THSD7B: variants seen among roughly 807,000 people sequenced by gnomAD.
THSD7B encodes the protein thrombospondin type 1 domain containing 7B, also known as thrombospondin type-1 domain-containing protein 7B.
In THSD7B, 138 loss-of-function variants were observed where a neutral mutation model predicts 213.6. That is an observed-to-expected ratio of 0.65 (90% CI 0.56 to 0.74). The LOEUF is 0.74. Ranked by LOEUF, THSD7B falls within the 30% of genes least tolerant of loss-of-function variation. THSD7B has a pLI of 0.00. For synonymous variants in THSD7B, 742 were observed against 687.0 expected (o/e 1.08, Z -1.25); for missense variants, 1,931 against 1,991.5 (o/e 0.97, Z 0.58).
At chr2:137,180,980 T>G (rs892594347) in intron 7 of THSD7B, among the ~76,000 whole-genome samples, 1 of 152,178 alleles carries the variant, frequency 6.6e-6, no homozygotes, top group Non-Finnish European at 1.5e-5. Context: ...CTTTCCTTAG[T>G]GTGAGCTAAG....
chr2:136,898,265 TAA>T (rs1329024505), intron 2 of THSD7B, among the ~76,000 whole-genome samples: 1 of 152,250 alleles, frequency 6.6e-6, no homozygotes, highest in Non-Finnish European at 1.5e-5. Context: ...CTTCTTTTGT[TAA>T]GTTTATTCAT....
rs1380608129 is a variant in THSD7B at position 137,448,832 on chromosome 2, AC to A, written c.2960-2012del. 3.6e-3 allele frequency among the ~76,000 whole-genome samples: 537 copies of A among 150,758 alleles called. 4 individuals carry two copies. Among genetic ancestry groups the A allele is most frequent in the African/African-American group, 0.012 (492 of 40,906 alleles). ...AACAACAACAACAACAACAACAACA[AC>A]AACAAAAACTACCCTTTCCTGGGTC... On this transcript the variant is annotated intron_variant, in intron 14 of 27. Coordinates refer to ENST00000409968, the MANE Select transcript of THSD7B (RefSeq NM_001316349.2).
intron 3 of THSD7B, among the ~76,000 whole-genome samples, chr2:137,069,324 T>C (rs546056205): frequency 2.0e-5 from 3 of 152,160 alleles, no homozygotes; most frequent in Non-Finnish European, 4.4e-5. Flanking sequence ...TTGTTTCACC[T>C]TGTTTCCTTT....
chr2:137,614,151 C>T (rs1037023247), intron 17 of THSD7B, among the ~76,000 whole-genome samples: 10 of 151,906 alleles, frequency 6.6e-5, no homozygotes, highest in East Asian at 1.9e-4. Flanking sequence ...TCTAATTATC[C>T]GAAACTATAT....
At chr2:137,223,468 A>G (rs1275929005) in intron 7 of THSD7B, among the ~76,000 whole-genome samples, 3 of 152,168 alleles carry the variant, frequency 2.0e-5, no homozygotes, top group Non-Finnish European at 4.4e-5. Flanking sequence ...TGAGTTAAAA[A>G]TGAAATATCG....
At chr2:137,127,435 T>C (rs538516814) in intron 5 of THSD7B, among the ~76,000 whole-genome samples, 113 of 152,226 alleles carry the variant, frequency 7.4e-4, no homozygotes, top group Non-Finnish European at 1.3e-3. Flanking sequence ...ATTTTGGAAA[T>C]TGTCAAATGT....
At chr2:136,948,875 T>C (rs1024829755) in intron 2 of THSD7B, among the ~76,000 whole-genome samples, 1 of 151,550 alleles carries the variant, frequency 6.6e-6, no homozygotes, top group Non-Finnish European at 1.5e-5. Flanking sequence ...CTGTAAAACA[T>C]TGGCTTTTTT....
At position 137,659,743 on chromosome 2, in the gene THSD7B, A is replaced by T. The variant is rs16839256; in HGVS notation, c.4455A>T (p.Thr1485=). The T allele has an allele frequency of 4.4e-6, 7 of 1,600,618 alleles. No individual in the cohort carries two copies. Among genetic ancestry groups the T allele is most frequent in the Non-Finnish European group, 6.0e-6 (7 of 1,173,220 alleles). ...PACRKPFSYC[T]QGGVCGCEKG... is the part of the protein sequence containing the mutation. ...GCAGAAAACCTTTCTCCTACTGTAC[A>T]CAGGTGAGTCATGTGCTGGAGTCTT... is the stretch of plus-strand genomic sequence containing the variant. The change falls in exon 25 of 28, where the codon ACA becomes ACT. Residue 1485 remains threonine (T), a synonymous_variant. Coordinates refer to ENST00000409968, the MANE Select transcript of THSD7B (RefSeq NM_001316349.2).
chr2:137,669,333 G>GTGAT (rs10651093), intron 27 of THSD7B, among the ~76,000 whole-genome samples: 8,650 of 152,124 alleles, frequency 0.057, 589 homozygotes, highest in African/African-American at 0.15. Flanking sequence ...GCCACCTACA[G>GTGAT]TGATAGAAAT....
At chr2:137,079,731 T>C (rs1012654765) in intron 3 of THSD7B, among the ~76,000 whole-genome samples, 1 of 152,250 alleles carries the variant, frequency 6.6e-6, no homozygotes, top group African/African-American at 2.4e-5. Context: ...ATGACAATTA[T>C]CTTTGGCCTC....
chr2:137,351,788 G>A (rs1385890303), intron 12 of THSD7B, among the ~76,000 whole-genome samples: 1 of 151,778 alleles, frequency 6.6e-6, no homozygotes, highest in Admixed American at 6.6e-5. Context: ...ATTTAAGGAT[G>A]GCCTTTTAAT....
At chr2:136,843,544 T>G (rs567079757) in intron 1 of THSD7B, among the ~76,000 whole-genome samples, 2 of 152,300 alleles carry the variant, frequency 1.3e-5, no homozygotes, top group Non-Finnish European at 2.9e-5. Flanking sequence ...GTCTTGTACT[T>G]TCTTAGGGGT....
chr2:137,593,026 G>A (rs1681895008), intron 17 of THSD7B, among the ~76,000 whole-genome samples: 1 of 151,808 alleles, frequency 6.6e-6, no homozygotes, highest in South Asian at 2.1e-4. Context: ...AGTTCTTTTG[G>A]GCTGTGTGAG....
intron 1 of THSD7B, among the ~76,000 whole-genome samples, chr2:136,862,577 G>T (rs1226940710): frequency 1.3e-5 from 2 of 152,152 alleles, no homozygotes; most frequent in Non-Finnish European, 2.9e-5. Flanking sequence ...AAAGAAATGT[G>T]TAAATGATTA....
At chr2:137,138,889 C>G (rs1166539764) in intron 5 of THSD7B, among the ~76,000 whole-genome samples, 1 of 152,068 alleles carries the variant, frequency 6.6e-6, no homozygotes, top group Non-Finnish European at 1.5e-5. Context: ...CTCAGCAAGT[C>G]TTGGTGTCAT....
intron 2 of THSD7B, among the ~76,000 whole-genome samples, chr2:136,993,552 A>G (rs1226031348): frequency 1.3e-5 from 2 of 152,356 alleles, no homozygotes; most frequent in South Asian, 2.1e-4. Context: ...ATGTAACCAT[A>G]TAGGGATGCA....
intron 2 of THSD7B, among the ~76,000 whole-genome samples, chr2:136,949,685 A>T (rs970748869): frequency 6.6e-6 from 1 of 152,220 alleles, no homozygotes; most frequent in East Asian, 1.9e-4. Context: ...AGATTTAAAA[A>T]TACCATACAA....
chr2:136,991,836 G>T (rs1400599698), intron 2 of THSD7B, among the ~76,000 whole-genome samples: 1 of 152,052 alleles, frequency 6.6e-6, no homozygotes, highest in East Asian at 1.9e-4. Flanking sequence ...AATTAAATTT[G>T]TCAAGAGTAT....
chr2:136,961,146 T>G (rs933682118), intron 2 of THSD7B, among the ~76,000 whole-genome samples: 6 of 148,782 alleles, frequency 4.0e-5, no homozygotes. Flanking sequence ...TTTAGAAAGT[T>G]GTAGGTAAAG....
Sources: allele counts gnomAD v4.1 joint callset (sites outside exome capture counted in the v4.1 genomes callset), GRCh38; gene constraint gnomAD v4.1.1; transcripts MANE v1.5; gene names NCBI Gene and HGNC (gene_info 2026-07-23, HGNC 2026-07-21).